The following PBX1 variants were observed in gnomAD, a reference collection of about 807,000 sequenced individuals.
PBX1 encodes PBX homeobox 1.
Under a neutral mutation model 53.4 loss-of-function variants are expected in PBX1, and 6 were observed. That is an observed-to-expected ratio of 0.11 (90% confidence interval 0.06 to 0.22). The LOEUF (loss-of-function observed/expected upper bound fraction) is 0.22, where lower values mean the gene tolerates loss of function less well. Among genes scored for constraint, PBX1 ranks in the 10% least tolerant of loss-of-function variants. The pLI is 1.00. For missense variants in PBX1, 251 were observed against 551.4 expected, an observed-to-expected ratio of 0.46 and a Z score of 5.46; for synonymous variants, 204 against 212.3, an observed-to-expected ratio of 0.96 and a Z score of 0.34.
At chr1:164,750,419 A>G (rs891695689) in intron 2 of PBX1, among the ~76,000 whole-genome samples, 1 of 152,168 alleles carries the variant, frequency 6.6e-6, no homozygotes, top group Non-Finnish European at 1.5e-5. Context: ...CTCACTGACT[A>G]CAATAAGAAA....
intron 2 of PBX1, among the ~76,000 whole-genome samples, chr1:164,747,328 T>G (rs981654451): frequency 6.6e-5 from 10 of 151,884 alleles, no homozygotes; most frequent in Non-Finnish European, 1.5e-4. Flanking sequence ...TGTATATATA[T>G]ATATATACAC....
chr1:164,740,291 A>C (rs1029315044), intron 2 of PBX1, among the ~76,000 whole-genome samples: 1 of 152,170 alleles, frequency 6.6e-6, no homozygotes, highest in Admixed American at 6.5e-5. Context: ...TGAGCCATAT[A>C]CTTGATGCCA....
chr1:164,760,226 G>A (rs747588156), intron 2 of PBX1, among the ~76,000 whole-genome samples: 2 of 152,236 alleles, frequency 1.3e-5, no homozygotes, highest in South Asian at 2.1e-4. Context: ...CTGATTAACC[G>A]AATCAGAATG....
intron 2 of PBX1, among the ~76,000 whole-genome samples, chr1:164,756,594 G>A (rs1007119186): frequency 1.3e-5 from 2 of 152,118 alleles, no homozygotes; most frequent in African/African-American, 4.8e-5. Context: ...ATAAATTTTG[G>A]TAATTCAGAA....
Position 164,794,038 on chromosome 1 carries a change from C to T in PBX1, c.510+1300C>T, listed in dbSNP as rs1291385087. Among the ~76,000 whole-genome samples, 16 of 152,122 alleles carry T rather than the reference C, an allele frequency of 1.1e-4. No homozygotes were observed. The East Asian group carries it at 2.9e-3, about 28-fold the overall frequency. On this transcript the variant is annotated intron_variant, in intron 3 of 8. Coordinates refer to ENST00000420696, the MANE Select transcript of PBX1 (RefSeq NM_002585.4). ...TACAGGCAGGTGCCAGCATACCCAGCTAATCTTTGTAGTTTTAGTAGAGAC... is the reference window on the plus strand; with the variant it reads ...TACAGGCAGGTGCCAGCATACCCAGTTAATCTTTGTAGTTTTAGTAGAGAC...
intron 2 of PBX1, among the ~76,000 whole-genome samples, chr1:164,613,043 C>T (rs1398139927): frequency 6.6e-6 from 1 of 152,076 alleles, no homozygotes; most frequent in East Asian, 1.9e-4. Context: ...ATGAGAATTT[C>T]CTGAACAACA....
At chr1:164,569,035 G>A (rs2101705143) in intron 2 of PBX1, among the ~76,000 whole-genome samples, 1 of 152,320 alleles carries the variant, frequency 6.6e-6, no homozygotes, top group African/African-American at 2.4e-5. Context: ...AGTTTCAACT[G>A]CATCTTCTAC....
chr1:164,736,659 A>G (rs1665306976), intron 2 of PBX1, among the ~76,000 whole-genome samples: 1 of 152,212 alleles, frequency 6.6e-6, no homozygotes, highest in African/African-American at 2.4e-5. Flanking sequence ...AGTCAGAAGA[A>G]TAATTGTGAA....
intron 2 of PBX1, among the ~76,000 whole-genome samples, chr1:164,712,040 T>A (rs528501101): frequency 4.0e-4 from 56 of 140,968 alleles, no homozygotes; most frequent in African/African-American, 1.4e-3. Context: ...CGTAAGAGAA[T>A]CAGAAGGGTC....
intron 2 of PBX1, among the ~76,000 whole-genome samples, chr1:164,614,460 C>T (rs1248378052): frequency 6.6e-6 from 1 of 152,112 alleles, no homozygotes; most frequent in African/African-American, 2.4e-5. Flanking sequence ...TATTCGTTTC[C>T]TCTTTTGTTC....
At chr1:164,662,724 G>T (rs963686211) in intron 2 of PBX1, among the ~76,000 whole-genome samples, 1 of 152,040 alleles carries the variant, frequency 6.6e-6, no homozygotes, top group African/African-American at 2.4e-5. Flanking sequence ...TGTCTTTCCC[G>T]TAATTGCCTA....
At chr1:164,741,933 A>C (rs955295407) in intron 2 of PBX1, among the ~76,000 whole-genome samples, 3 of 151,450 alleles carry the variant, frequency 2.0e-5, no homozygotes, top group Non-Finnish European at 4.4e-5. Context: ...TTTTTTTTTT[A>C]ACATTTCTAG....
chr1:164,683,476 G>A (rs2102002861), intron 2 of PBX1: 2 of 152,266 alleles, frequency 1.3e-5, no homozygotes, highest in South Asian at 4.1e-4. Context: ...TGACAACTGA[G>A]GCTCCAGGAG....
At chr1:164,575,356 G>A (rs1182195753) in intron 2 of PBX1, among the ~76,000 whole-genome samples, 1 of 152,170 alleles carries the variant, frequency 6.6e-6, no homozygotes, top group East Asian at 1.9e-4. Flanking sequence ...AGATGTTTGA[G>A]TTTCCCTAAG....
chr1:164,778,668 T>C (rs1336524573), intron 2 of PBX1, among the ~76,000 whole-genome samples: 1 of 148,734 alleles, frequency 6.7e-6, no homozygotes, highest in Non-Finnish European at 1.5e-5. Flanking sequence ...AGGTTAAGAG[T>C]GTGAAGCTGA....
In PBX1 at chr1:164,848,643, A is replaced by G. The variant is rs1571524796; in HGVS notation, c.*1967A>G. The G allele has an allele frequency of 3.7e-5, 39 of 1,056,378 alleles. No individual in the cohort carries two copies. Among genetic ancestry groups the G allele is most frequent in the Non-Finnish European group, 4.3e-5 (38 of 873,732 alleles). 65.4% of individuals were successfully genotyped at this position (1,056,378 alleles called of 1,614,324 possible). The stretch of plus-strand genomic sequence containing the variant: ...GGATAAAGAAAAACTTCCAAACTAG[A>G]AAAACAGGCCCTGGTTCCCTTAGTT... On this transcript the variant is annotated 3_prime_UTR_variant, in exon 9 of 9. Coordinates refer to ENST00000420696, the MANE Select transcript of PBX1 (RefSeq NM_002585.4).
At chr1:164,667,432 GTA>G (rs761257756) in intron 2 of PBX1, among the ~76,000 whole-genome samples, 4 of 149,772 alleles carry the variant, frequency 2.7e-5, no homozygotes, top group African/African-American at 9.8e-5. Flanking sequence ...GTGTGTGTGT[GTA>G]TATATGTATA....
At position 164,589,897 on chromosome 1, in the gene PBX1, G is replaced by A. The variant is rs577813452; in HGVS notation, c.265+26586G>A. 3.9e-5 allele frequency among the ~76,000 whole-genome samples: 6 copies of A among 152,258 alleles called. No individual in the cohort carries two copies. The South Asian group carries it at 6.2e-4, about 16-fold the overall frequency. ...AAAATAAATATCTTAATGCTCACAC[G>A]GAGCCTCCCGTAAAAAGGCTGATAA... On this transcript the variant is annotated intron_variant, in intron 2 of 8. Transcript: ENST00000420696.
At chr1:164,605,950 CTT>C (rs1459789259) in intron 2 of PBX1, among the ~76,000 whole-genome samples, 1 of 152,112 alleles carries the variant, frequency 6.6e-6, no homozygotes, top group African/African-American at 2.4e-5. Context: ...AATTCAGACA[CTT>C]TTGGTAATTC....
Sources: gnomAD v4.1 joint callset for allele counts (sites outside exome capture counted in the v4.1 genomes callset) on GRCh38, gnomAD v4.1.1 for gene constraint, MANE v1.5 for transcripts, NCBI Gene and HGNC (gene_info 2026-07-23, HGNC 2026-07-21) for gene names.